The following UBE2E2 variants were observed in gnomAD, a reference collection of about 807,000 sequenced individuals.
UBE2E2 encodes ubiquitin conjugating enzyme E2 E2.
UBE2E2 carries 6 observed loss-of-function variants against 24.7 expected under a neutral mutation model. That is an observed-to-expected ratio of 0.24 (90% CI 0.13 to 0.48). The LOEUF (loss-of-function observed/expected upper bound fraction) is 0.48, where lower values mean the gene tolerates loss of function less well. UBE2E2 is among the 20% of genes least tolerant of loss of function. UBE2E2 has a pLI of 0.99. For synonymous variants in UBE2E2, 104 were observed against 83.6 expected, an observed-to-expected ratio of 1.24 and a Z score of -1.33; for missense variants, 169 against 245.0, an observed-to-expected ratio of 0.69 and a Z score of 2.07.
At chr3:23,391,087 G>C (rs1324939686) in intron 3 of UBE2E2, among the ~76,000 whole-genome samples, 4 of 152,068 alleles carry the variant, frequency 2.6e-5, no homozygotes, top group Non-Finnish European at 5.9e-5. Flanking sequence ...AATTCTATGT[G>C]GTTAGGTATA....
At chr3:23,499,763 T>G in intron 4 of UBE2E2, 23 bp downstream of exon 4, 1 of 1,606,630 alleles carries the variant, frequency 6.2e-7, no homozygotes, top group East Asian at 2.2e-5. Flanking sequence ...TTTTCATTGA[T>G]TTTTAGCAAT....
chr3:23,361,943 A>C (rs1696126846), intron 3 of UBE2E2, among the ~76,000 whole-genome samples: 1 of 152,224 alleles, frequency 6.6e-6, no homozygotes, highest in South Asian at 2.1e-4. Context: ...AATCTTATGT[A>C]ATTTAAAAGT....
At chr3:23,251,644 T>A (rs1697577156) in intron 3 of UBE2E2, among the ~76,000 whole-genome samples, 1 of 152,234 alleles carries the variant, frequency 6.6e-6, no homozygotes, top group Non-Finnish European at 1.5e-5. Flanking sequence ...TGTAAAGTGA[T>A]TCATTATTAA....
chr3:23,570,250 C>T (rs1354186573), intron 5 of UBE2E2, among the ~76,000 whole-genome samples: 4 of 152,152 alleles, frequency 2.6e-5, no homozygotes, highest in South Asian at 2.1e-4. Flanking sequence ...TTGTCATCTT[C>T]CTGCATCTTT....
At chr3:23,269,353 A>G (rs114600226) in intron 3 of UBE2E2, among the ~76,000 whole-genome samples, 4,379 of 152,342 alleles carry the variant, frequency 0.029, 110 homozygotes, top group East Asian at 0.13. Flanking sequence ...AAAAATTTAC[A>G]AGAGAAAAAA....
rs527736323 is a variant in UBE2E2 at position 23,526,328 on chromosome 3, ATCT to A, written c.361-6222_361-6220del. Among the ~76,000 whole-genome samples the A allele has an allele frequency of 3.1e-3, 468 of 152,090 alleles. 1 individual carries two copies. Among genetic ancestry groups the A allele is most frequent in the Non-Finnish European group, 4.0e-3 (270 of 68,016 alleles). ...CATGGGACAGAAAAATGTTAAAGAG[ATCT>A]TCTCCTTCCTCAGGATATTCTCTAG... On this transcript the variant is annotated intron_variant, in intron 4 of 5. Transcript: ENST00000396703.
chr3:23,255,089 T>C (rs1697681262), intron 3 of UBE2E2, among the ~76,000 whole-genome samples: 1 of 97,642 alleles, frequency 1.0e-5, no homozygotes, highest in Non-Finnish European at 2.4e-5. Flanking sequence ...CTTTTTTTTT[T>C]TTTTTTTTTT....
At chr3:23,302,616 C>T (rs768227611) in intron 3 of UBE2E2, among the ~76,000 whole-genome samples, 4 of 152,164 alleles carry the variant, frequency 2.6e-5, no homozygotes, top group Non-Finnish European at 4.4e-5. Context: ...TAGTAGGCAT[C>T]AGCTAATCAT....
chr3:23,584,643 C>G (rs564947415), intron 5 of UBE2E2, among the ~76,000 whole-genome samples: 2 of 151,994 alleles, frequency 1.3e-5, no homozygotes, highest in East Asian at 1.9e-4. Flanking sequence ...AATCACGACC[C>G]CCTGGGCTCC....
In UBE2E2 at chr3:23,481,149, A is replaced by G. The variant is rs369001709; in HGVS notation, c.228-18459A>G. The stretch of plus-strand genomic sequence containing the variant: ...AGGAAAATTAAATTCATCAAAGCAA[A>G]GAAGCCCAGCTGGCATAAGCACTTG... On this transcript the variant is annotated intron_variant, in intron 3 of 5. Coordinates refer to ENST00000396703, the MANE Select transcript of UBE2E2 (RefSeq NM_152653.4). Among the ~76,000 whole-genome samples the G allele has an allele frequency of 1.7e-3, 261 of 152,338 alleles. 1 individual carries two copies. The highest frequency in any genetic ancestry group is 6.1e-3 in the African/African-American group (252 of 41,580).
At chr3:23,387,074 T>C (rs908012604) in intron 3 of UBE2E2, among the ~76,000 whole-genome samples, 11 of 152,224 alleles carry the variant, frequency 7.2e-5, no homozygotes, top group African/African-American at 2.7e-4. Context: ...ACAAAGACTT[T>C]CTGATTTCAG....
In UBE2E2 at chr3:23,452,468, T is replaced by G. The variant is rs569752910; in HGVS notation, c.228-47140T>G. 2.2e-4 allele frequency among the ~76,000 whole-genome samples: 34 copies of G among 152,330 alleles called. No homozygotes were observed. The South Asian group carries it at 5.8e-3, about 26-fold the overall frequency. On this transcript the variant is annotated intron_variant, in intron 3 of 5. Coordinates refer to ENST00000396703, the MANE Select transcript of UBE2E2 (RefSeq NM_152653.4). ...AAGAATGTATGTTTTGAATCTATAT[T>G]AAAATTTTTGAGAGACTTTAGAAAG...
intron 5 of UBE2E2, among the ~76,000 whole-genome samples, chr3:23,544,440 T>A (rs1695469335): frequency 1.3e-5 from 2 of 152,106 alleles, no homozygotes; most frequent in Admixed American, 6.5e-5. Context: ...CCAAGAAACA[T>A]ATGTAAAACT....
At chr3:23,331,532 G>T (rs1326428057) in intron 3 of UBE2E2, among the ~76,000 whole-genome samples, 1 of 152,180 alleles carries the variant, frequency 6.6e-6, no homozygotes, top group Middle Eastern at 3.4e-3. Context: ...GGTGATTTCA[G>T]ATAGGGTGAT....
intron 3 of UBE2E2, among the ~76,000 whole-genome samples, chr3:23,249,387 T>C (rs1008615317): frequency 2.6e-5 from 4 of 152,028 alleles, no homozygotes; most frequent in African/African-American, 7.3e-5. Context: ...TGAGAACAAA[T>C]GACTGAAAAA....
Position 23,302,285 on chromosome 3 carries a change from T to C in UBE2E2, c.227+84973T>C, listed in dbSNP as rs556737555. ...GTTTCTTTTTCAGATTTTCAGAGAC[T>C]ATATAATATTTCCCTTACCCTATCC... On this transcript the variant is annotated intron_variant, in intron 3 of 5. Coordinates refer to ENST00000396703, the MANE Select transcript of UBE2E2 (RefSeq NM_152653.4). Among the ~76,000 whole-genome samples the C allele has an allele frequency of 4.6e-5, 7 of 152,358 alleles. No individual in the cohort carries two copies. In the East Asian group the frequency reaches 1.3e-3, roughly 29 times the overall value.
intron 3 of UBE2E2, among the ~76,000 whole-genome samples, chr3:23,284,167 T>G (rs2125373658): frequency 6.6e-6 from 1 of 152,292 alleles, no homozygotes; most frequent in East Asian, 1.9e-4. Flanking sequence ...TGTCTCCCTA[T>G]AATCTATAAT....
rs57482143 is a variant in UBE2E2, at chr3:23,341,139, A to AT, written c.227+123834dup. Among the ~76,000 whole-genome samples, 1,249 of 152,230 alleles carry AT rather than the reference A, an allele frequency of 8.2e-3. 12 individuals carry two copies. The highest frequency in any genetic ancestry group is 0.026 in the African/African-American group (1,086 of 41,522). On this transcript the variant is annotated intron_variant, in intron 3 of 5. Coordinates refer to ENST00000396703, the MANE Select transcript of UBE2E2 (RefSeq NM_152653.4). Reference sequence around the variant, plus strand: ...AGTCTTGCTAATAGCCTAAAAGTCTATTTTTTTCACCCAACTGCAGCATTA... The same window carrying AT: ...AGTCTTGCTAATAGCCTAAAAGTCTATTTTTTTTCACCCAACTGCAGCATTA...
intron 3 of UBE2E2, among the ~76,000 whole-genome samples, chr3:23,327,538 C>G (rs6806387): frequency 0.74 from 111,843 of 152,102 alleles, 41,499 homozygotes; most frequent in African/African-American, 0.83. Context: ...TTAACTAGGA[C>G]AAATACTTGT....
Sources: gnomAD v4.1 joint callset for allele counts (sites outside exome capture counted in the v4.1 genomes callset) on GRCh38, gnomAD v4.1.1 for gene constraint, MANE v1.5 for transcripts, NCBI Gene and HGNC (gene_info 2026-07-23, HGNC 2026-07-21) for gene names.